KCTD8: variants seen among roughly 807,000 people sequenced by gnomAD.
KCTD8 encodes potassium channel tetramerization domain containing 8, also known as BTB/POZ domain-containing protein KCTD8.
KCTD8 carries 27 observed loss-of-function variants against 31.5 expected under a neutral mutation model. The ratio of observed to expected loss-of-function variants is 0.86; its 90% CI spans 0.63 to 1.18. The LOEUF (loss-of-function observed/expected upper bound fraction) is 1.18, where lower values mean the gene tolerates loss of function less well. Ranked by LOEUF, KCTD8 falls within the 50% of genes most tolerant of loss-of-function variation. The pLI is 0.00. For missense variants in KCTD8, 658 were observed against 647.7 expected, an observed-to-expected ratio of 1.02 and a Z score of -0.17; for synonymous variants, 290 against 280.0, an observed-to-expected ratio of 1.04 and a Z score of -0.36.
At chr4:44,176,998 C>G (rs1026806305) in intron 1 of KCTD8, among the ~76,000 whole-genome samples, 4 of 152,112 alleles carry the variant, frequency 2.6e-5, no homozygotes, top group African/African-American at 9.7e-5. Flanking sequence ...TAAGGAAATA[C>G]ACCATTACAT....
intron 1 of KCTD8, among the ~76,000 whole-genome samples, chr4:44,369,309 T>A (rs1719722063): frequency 6.6e-6 from 1 of 152,212 alleles, no homozygotes; most frequent in African/African-American, 2.4e-5. Context: ...AATGTCTGCC[T>A]TCTATATAGA....
intron 1 of KCTD8, among the ~76,000 whole-genome samples, chr4:44,411,255 A>G (rs1171186762): frequency 6.6e-6 from 1 of 151,976 alleles, no homozygotes; most frequent in African/African-American, 2.4e-5. Context: ...GTGTGCTCCT[A>G]TAGTTCCAGC....
chr4:44,282,497 G>T (rs923386404), intron 1 of KCTD8, among the ~76,000 whole-genome samples: 1 of 151,978 alleles, frequency 6.6e-6, no homozygotes, highest in Non-Finnish European at 1.5e-5. Flanking sequence ...TCCTCTAAGT[G>T]TACAAGTGAA....
chr4:44,200,209 C>T (rs1346754594), intron 1 of KCTD8, among the ~76,000 whole-genome samples: 2 of 151,056 alleles, frequency 1.3e-5, no homozygotes, highest in Non-Finnish European at 3.0e-5. Flanking sequence ...GATGTATTTA[C>T]AGCCATATTC....
At chr4:44,265,285 T>A (rs961948784) in intron 1 of KCTD8, among the ~76,000 whole-genome samples, 1 of 151,964 alleles carries the variant, frequency 6.6e-6, no homozygotes, top group African/African-American at 2.4e-5. Flanking sequence ...GCAAACAGGG[T>A]CTGGAGTGGA....
intron 1 of KCTD8, among the ~76,000 whole-genome samples, chr4:44,186,459 A>C (rs558340738): frequency 6.6e-6 from 1 of 152,350 alleles, no homozygotes; most frequent in African/African-American, 2.4e-5. Flanking sequence ...ACTGGGATAC[A>C]GAAAGCCCTC....
At chr4:44,427,743 A>T (rs924197360) in intron 1 of KCTD8, among the ~76,000 whole-genome samples, 1 of 151,822 alleles carries the variant, frequency 6.6e-6, no homozygotes, top group African/African-American at 2.4e-5. Context: ...AATTCTCCAA[A>T]GCATTCAAGA....
chr4:44,406,116 G>A (rs1278524850), intron 1 of KCTD8, among the ~76,000 whole-genome samples: 2 of 151,982 alleles, frequency 1.3e-5, no homozygotes, highest in Non-Finnish European at 2.9e-5. Flanking sequence ...CCCACAGTGG[G>A]GTAGCATCCA....
At chr4:44,356,936 G>C (rs1036774959) in intron 1 of KCTD8, among the ~76,000 whole-genome samples, 2 of 152,012 alleles carry the variant, frequency 1.3e-5, no homozygotes, top group African/African-American at 4.8e-5. Flanking sequence ...GACTCAAAAT[G>C]CTTCCATATT....
intron 1 of KCTD8, among the ~76,000 whole-genome samples, chr4:44,438,388 A>G (rs914779343): frequency 6.6e-6 from 1 of 152,190 alleles, no homozygotes; most frequent in Non-Finnish European, 1.5e-5. Context: ...TTTGCATAAA[A>G]CTGTTGAAAC....
intron 1 of KCTD8, among the ~76,000 whole-genome samples, chr4:44,367,310 A>T (rs967017953): frequency 3.3e-5 from 5 of 152,164 alleles, no homozygotes; most frequent in Admixed American, 3.3e-4. Context: ...CACTACAAGG[A>T]CACAGCCTGA....
intron 1 of KCTD8, among the ~76,000 whole-genome samples, chr4:44,228,662 T>C (rs891177810): frequency 6.6e-6 from 1 of 152,176 alleles, no homozygotes; most frequent in Non-Finnish European, 1.5e-5. Context: ...GGGGGGTCTT[T>C]CCTGACCAAT....
At chr4:44,307,231 A>C (rs1717830139) in intron 1 of KCTD8, among the ~76,000 whole-genome samples, 1 of 152,024 alleles carries the variant, frequency 6.6e-6, no homozygotes, top group African/African-American at 2.4e-5. Context: ...CAGAAGGGCT[A>C]TTTTCAGAAA....
intron 1 of KCTD8, among the ~76,000 whole-genome samples, chr4:44,225,440 A>AT (rs1443335363): frequency 6.6e-6 from 1 of 152,230 alleles, no homozygotes; most frequent in Non-Finnish European, 1.5e-5. Context: ...GACTACTTTC[A>AT]TACTACAAAG....
chr4:44,219,965 T>A (rs893635919), intron 1 of KCTD8, among the ~76,000 whole-genome samples: 2 of 152,238 alleles, frequency 1.3e-5, no homozygotes, highest in African/African-American at 4.8e-5. Context: ...TGTTGTTTTT[T>A]ATTTCTAGTA....
intron 1 of KCTD8, among the ~76,000 whole-genome samples, chr4:44,353,688 C>G (rs925707773): frequency 2.6e-5 from 4 of 152,040 alleles, no homozygotes; most frequent in Non-Finnish European, 5.9e-5. Flanking sequence ...TTTTACCTCC[C>G]ACATATTAGT....
rs200364149 is a variant in KCTD8 at position 44,277,249 on chromosome 4, C to G, written c.962-101999G>C. Among the ~76,000 whole-genome samples, 7 of 151,648 alleles carry G rather than the reference C, an allele frequency of 4.6e-5. No individual in the cohort carries two copies. In the East Asian group the frequency reaches 1.4e-3, roughly 29 times the overall value. On this transcript the variant is annotated intron_variant, in intron 1 of 1. Coordinates refer to ENST00000360029, the MANE Select transcript of KCTD8 (RefSeq NM_198353.3). ...AGTAAAAATCCCAAATAAGACAAAACAAATAAAAAGAAAAATACCTTTATA... is the reference window on the plus strand; with the variant it reads ...AGTAAAAATCCCAAATAAGACAAAAGAAATAAAAAGAAAAATACCTTTATA...
chr4:44,313,790 A>G (rs932447751), intron 1 of KCTD8, among the ~76,000 whole-genome samples: 1 of 152,214 alleles, frequency 6.6e-6, no homozygotes, highest in African/African-American at 2.4e-5. Context: ...GCACAGGATG[A>G]TTCAGGAAGA....
At chr4:44,198,260 A>C (rs1714009698) in intron 1 of KCTD8, among the ~76,000 whole-genome samples, 1 of 152,192 alleles carries the variant, frequency 6.6e-6, no homozygotes, top group Non-Finnish European at 1.5e-5. Flanking sequence ...AAATTTCCCC[A>C]ATCTTGCTAG....
Sources: gnomAD v4.1 joint callset for allele counts (sites outside exome capture counted in the v4.1 genomes callset) on GRCh38, gnomAD v4.1.1 for gene constraint, MANE v1.5 for transcripts, NCBI Gene and HGNC (gene_info 2026-07-23, HGNC 2026-07-21) for gene names.